The following SLC1A1 variants were observed in gnomAD, a reference collection of about 807,000 sequenced individuals.
SLC1A1 encodes excitatory amino acid transporter 3.
A neutral mutation model predicts 53.3 loss-of-function variants in SLC1A1; 43 were observed. The ratio of observed to expected loss-of-function variants is 0.81; its 90% CI spans 0.63 to 1.04. The LOEUF is 1.04. SLC1A1 is among the 50% of genes least tolerant of loss of function. SLC1A1 has a pLI of 0.00. For missense variants in SLC1A1, 748 were observed against 664.9 expected (o/e 1.12, Z -1.37); for synonymous variants, 307 against 243.2 (o/e 1.26, Z -2.44).
At position 4,586,240 on chromosome 9, in the gene SLC1A1, T is replaced by C. The variant is rs186218746; in HGVS notation, c.*682T>C. On this transcript the variant is annotated 3_prime_UTR_variant, in exon 12 of 12. Coordinates refer to ENST00000262352, the MANE Select transcript of SLC1A1 (RefSeq NM_004170.6). ...ATATATATATATATATGTATATATTTATTATTTTCATATAATTTGCCAGAC... is the reference window on the plus strand; with the variant it reads ...ATATATATATATATATGTATATATTCATTATTTTCATATAATTTGCCAGAC... 7.4e-4 allele frequency: 113 copies of C among 151,732 alleles called. No individual in the cohort carries two copies. Among genetic ancestry groups the C allele is most frequent in the Middle Eastern group, 6.8e-3 (2 of 294 alleles). The allele number at this position is 151,732 out of a possible 1,614,324, so 9.4% of individuals were successfully genotyped here. A position where few individuals can be genotyped will look rare whatever the true frequency, so the allele number is the denominator to read the frequency against.
intron 3 of SLC1A1, among the ~76,000 whole-genome samples, chr9:4,564,014 G>C (rs1819237584): frequency 6.6e-6 from 1 of 152,138 alleles, no homozygotes. Flanking sequence ...GGTCTCATAA[G>C]TTCAAGAAAA....
rs1275315054 is a variant in SLC1A1 at position 4,490,555 on chromosome 9, G to C, written c.-125G>C. On this transcript the variant is annotated 5_prime_UTR_variant, in exon 1 of 12. Coordinates refer to ENST00000262352, the MANE Select transcript of SLC1A1 (RefSeq NM_004170.6). Reference sequence around the variant, plus strand: ...GGCGGTGGTGACGGCGGCGACTGCAGCGGCCGGCTCTCACCTCTCCCCTGT... The same window carrying C: ...GGCGGTGGTGACGGCGGCGACTGCACCGGCCGGCTCTCACCTCTCCCCTGT... The C allele has an allele frequency of 3.4e-6, 2 of 586,410 alleles. No individual in the cohort carries two copies. Among genetic ancestry groups the C allele is most frequent in the African/African-American group, 3.9e-5 (2 of 50,774 alleles). 36.3% of individuals were successfully genotyped at this position (586,410 alleles called of 1,614,324 possible).
intron 6 of SLC1A1, among the ~76,000 whole-genome samples, chr9:4,568,292 C>A (rs1819676350): frequency 6.6e-6 from 1 of 151,892 alleles, no homozygotes; most frequent in Non-Finnish European, 1.5e-5. Context: ...ATGGTGCACA[C>A]CTATTGTCCC....
At chr9:4,523,710 C>T (rs1444961902) in intron 1 of SLC1A1, among the ~76,000 whole-genome samples, 1 of 152,188 alleles carries the variant, frequency 6.6e-6, no homozygotes, top group African/African-American at 2.4e-5. Flanking sequence ...ACAATAATAG[C>T]TAACATGTAT....
intron 1 of SLC1A1, among the ~76,000 whole-genome samples, chr9:4,510,941 G>A (rs546615307): frequency 6.6e-6 from 1 of 152,320 alleles, no homozygotes; most frequent in African/African-American, 2.4e-5. Flanking sequence ...TCACTGCAGG[G>A]ACAAGGGATA....
chr9:4,522,002 T>G (rs2130832769), intron 1 of SLC1A1, among the ~76,000 whole-genome samples: 1 of 152,038 alleles, frequency 6.6e-6, no homozygotes, highest in African/African-American at 2.4e-5. Context: ...TTTCCTTCTT[T>G]GTTATTCCAA....
At chr9:4,531,512 G>A (rs1816468531) in intron 1 of SLC1A1, among the ~76,000 whole-genome samples, 1 of 152,250 alleles carries the variant, frequency 6.6e-6, no homozygotes, top group Admixed American at 6.5e-5. Context: ...CTGGGGGAGG[G>A]GCGCCCATCA....
chr9:4,542,137 T>C (rs1817067327), intron 1 of SLC1A1, among the ~76,000 whole-genome samples: 1 of 151,924 alleles, frequency 6.6e-6, no homozygotes, highest in African/African-American at 2.4e-5. Flanking sequence ...GTATTTCTAT[T>C]CTTCTTTTTA....
At chr9:4,528,160 C>G (rs1816330996) in intron 1 of SLC1A1, among the ~76,000 whole-genome samples, 1 of 152,086 alleles carries the variant, frequency 6.6e-6, no homozygotes, top group African/African-American at 2.4e-5. Flanking sequence ...CAGAGTCTCC[C>G]CAAGGGAAAG....
intron 1 of SLC1A1, among the ~76,000 whole-genome samples, chr9:4,540,466 G>T (rs938085578): frequency 6.6e-6 from 1 of 152,164 alleles, no homozygotes; most frequent in African/African-American, 2.4e-5. Context: ...CTGAACTGTT[G>T]ACACTTAAGC....
In SLC1A1 at chr9:4,561,501, C is replaced by T. The variant is rs558827026; in HGVS notation, c.285C>T (p.Val95=). 1.2e-5 allele frequency: 19 copies of T among 1,609,036 alleles called. No individual in the cohort carries two copies. The East Asian group carries it at 2.0e-4, about 17-fold the overall frequency. ...CCGGAAAAATTGGTCTGCGCGCTGT[C>T]GTGTATTATTTCTGTACCACTCTCA... is the stretch of plus-strand genomic sequence containing the variant. ...NVSGKIGLRA[V]VYYFCTTLIA... Residue 95 remains valine (V), a synonymous_variant, in exon 3 of 12, where the codon GTC becomes GTT. Transcript: ENST00000262352.
rs1337423117 is a variant in SLC1A1, at chr9:4,586,838, A to G, written c.*1280A>G. On this transcript the variant is annotated 3_prime_UTR_variant, in exon 12 of 12. Coordinates refer to ENST00000262352, the MANE Select transcript of SLC1A1 (RefSeq NM_004170.6). ...TCGGGGGAAATAGTTCCATTCTATG[A>G]CTCTTGTCTCCTCCTCCAGGAGGAC... 1 of 152,006 alleles carries G rather than the reference A, an allele frequency of 6.6e-6. No homozygotes were observed. Among genetic ancestry groups the G allele is most frequent in the Non-Finnish European group, 1.5e-5 (1 of 68,002 alleles). The allele number at this position is 152,006 out of a possible 1,614,324, so 9.4% of individuals were successfully genotyped here. A position where few individuals can be genotyped will look rare whatever the true frequency, so the allele number is the denominator to read the frequency against.
At chr9:4,565,227 C>T (rs1819368969) in intron 4 of SLC1A1, among the ~76,000 whole-genome samples, 1 of 152,044 alleles carries the variant, frequency 6.6e-6, no homozygotes, top group African/African-American at 2.4e-5. Context: ...GAAACCATAC[C>T]TTCTTTTTAT....
chr9:4,493,604 T>C (rs753018119), intron 1 of SLC1A1, among the ~76,000 whole-genome samples: 1 of 152,226 alleles, frequency 6.6e-6, no homozygotes, highest in Non-Finnish European at 1.5e-5. Flanking sequence ...TTATAGCCGT[T>C]CAAATGTTTG....
intron 1 of SLC1A1, among the ~76,000 whole-genome samples, chr9:4,535,311 T>C (rs952409007): frequency 3.3e-5 from 5 of 152,118 alleles, no homozygotes; most frequent in South Asian, 2.1e-4. Context: ...GAAAACCCCA[T>C]TGTCTCAGCC....
intron 8 of SLC1A1, among the ~76,000 whole-genome samples, chr9:4,574,944 G>A (rs901301070): frequency 6.6e-6 from 1 of 152,158 alleles, no homozygotes; most frequent in African/African-American, 2.4e-5. Context: ...GGCCCCTGGC[G>A]CTAAGGGAGG....
At chr9:4,565,944 C>G in intron 4 of SLC1A1, 103 bp from the exon 5 acceptor site, 1 of 903,940 alleles carries the variant, frequency 1.1e-6, no homozygotes, top group East Asian at 2.4e-5. Context: ...GAAGAGAAAC[C>G]AGAGTACTAG....
Position 4,583,172 on chromosome 9 carries a change from T to A in SLC1A1, c.1328T>A (p.Leu443Gln), listed in dbSNP as rs753328274. The change falls in exon 11 of 12, where the codon CTG becomes CAG. Residue 443 changes from leucine to glutamine, a missense_variant and splice_region_variant. Coordinates refer to ENST00000262352, the MANE Select transcript of SLC1A1 (RefSeq NM_004170.6). The surrounding 1 kb of genome is among the most constrained non-coding windows in gnomAD (Gnocchi z 4.6). ...CTGATCATTGCTGTCGACTGGCTCC[T>A]GTGAGTTGGAATAAATGCACTGCCT... ...VTLIIAVDWL[L>Q]DRFRTMVNVL... is the part of the protein sequence containing the mutation. 1.2e-6 allele frequency: 2 copies of A among 1,614,222 alleles called. No individual in the cohort carries two copies. The highest frequency in any genetic ancestry group is 3.3e-5 in the Admixed American group (2 of 60,024).
intron 1 of SLC1A1, among the ~76,000 whole-genome samples, chr9:4,535,720 T>C (rs1408984020): frequency 1.3e-5 from 2 of 152,026 alleles, no homozygotes; most frequent in East Asian, 1.9e-4. Context: ...TTAAAGTTCA[T>C]ATGGAACCAA....
Sources: allele counts gnomAD v4.1 joint callset (sites outside exome capture counted in the v4.1 genomes callset), GRCh38; gene constraint gnomAD v4.1.1; non-coding constraint Gnocchi (gnomAD v3.1); transcripts MANE v1.5; gene names NCBI Gene and HGNC (gene_info 2026-07-23, HGNC 2026-07-21).